The following LMBRD2 variants were observed in gnomAD, a reference collection of about 807,000 sequenced individuals.
LMBRD2 encodes LMBR1 domain containing 2.
Under a neutral mutation model 94.4 loss-of-function variants are expected in LMBRD2, and 55 were observed. The ratio of observed to expected loss-of-function variants is 0.58; its 90% CI spans 0.47 to 0.73. LMBRD2 has a LOEUF of 0.73. LMBRD2 is among the 30% of genes least tolerant of loss of function. The pLI is 0.00. For synonymous variants in LMBRD2, 246 were observed against 272.4 expected (o/e 0.90, Z 0.95); for missense variants, 640 against 831.9 (o/e 0.77, Z 2.84).
In LMBRD2 at chr5:36,103,698, G is replaced by C. The variant is rs949802860; in HGVS notation, c.*348C>G. On this transcript the variant is annotated 3_prime_UTR_variant, in exon 18 of 18. Coordinates refer to ENST00000296603, the MANE Select transcript of LMBRD2 (RefSeq NM_001007527.2). ...ATAATATTATTTAGTATGACTTATG[G>C]CTTCCTTGAATCTTTAAAATAACTC... 3.1e-5 allele frequency: 5 copies of C among 161,110 alleles called. No homozygotes were observed. Among genetic ancestry groups the C allele is most frequent in the African/African-American group, 9.6e-5 (4 of 41,476 alleles). 10.0% of individuals were successfully genotyped at this position (161,110 alleles called of 1,614,324 possible). A position where few individuals can be genotyped will look rare whatever the true frequency, so the allele number is the denominator to read the frequency against.
intron 3 of LMBRD2, among the ~76,000 whole-genome samples, chr5:36,141,673 C>G (rs1744414253): frequency 6.6e-6 from 1 of 151,492 alleles, no homozygotes; most frequent in South Asian, 2.1e-4. Flanking sequence ...AAATCACTCA[C>G]TATAACATAG....
Position 36,101,002 on chromosome 5 carries a change from A to C in LMBRD2, c.*3044T>G, listed in dbSNP as rs1410942062. 2 of 152,044 alleles carry C rather than the reference A, an allele frequency of 1.3e-5. No individual in the cohort carries two copies. Among genetic ancestry groups the C allele is most frequent in the African/African-American group, 4.8e-5 (2 of 41,436 alleles). 9.4% of individuals were successfully genotyped at this position (152,044 alleles called of 1,614,324 possible). A position where few individuals can be genotyped will look rare whatever the true frequency, so the allele number is the denominator to read the frequency against. ...TCATCTAATCAAATAGTAGTCCAAAAAAATCAACTGGCAGAATGTTTTTTT... is the reference window on the plus strand; with the variant it reads ...TCATCTAATCAAATAGTAGTCCAAACAAATCAACTGGCAGAATGTTTTTTT... On this transcript the variant is annotated 3_prime_UTR_variant, in exon 18 of 18. Transcript: ENST00000296603.
intron 3 of LMBRD2, 106 bp downstream of exon 3, chr5:36,142,396 A>AT: frequency 5.1e-6 from 3 of 590,458 alleles, no homozygotes; most frequent in Non-Finnish European, 3.0e-6. Flanking sequence ...TTAGTAGAGA[A>AT]TGAGGATAAC....
At chr5:36,123,575 C>A (rs1743936487) in intron 7 of LMBRD2, among the ~76,000 whole-genome samples, 1 of 151,878 alleles carries the variant, frequency 6.6e-6, no homozygotes, top group Non-Finnish European at 1.5e-5. Context: ...TAAATGTTTC[C>A]ATGGTTCTGT....
intron 1 of LMBRD2, among the ~76,000 whole-genome samples, chr5:36,148,287 C>G (rs575456764): frequency 2.0e-5 from 3 of 151,190 alleles, no homozygotes; most frequent in Non-Finnish European, 4.4e-5. Context: ...TTAAAGGTAC[C>G]TAAGAGCTGA....
rs545058647 is a variant in LMBRD2, at chr5:36,143,233, C to G, written c.117G>C (p.Leu39=). 3.7e-6 allele frequency: 6 copies of G among 1,612,802 alleles called. No homozygotes were observed. In the South Asian group the frequency reaches 4.4e-5, roughly 12 times the overall value. Residue 39 remains leucine, a synonymous_variant, in exon 2 of 18, where the codon CTG becomes CTC. Coordinates refer to ENST00000296603, the MANE Select transcript of LMBRD2 (RefSeq NM_001007527.2). The part of the protein sequence containing the change: ...KQHRLVIIGT[L]LAWYLCFLIV... ...TAAGAAAGCAGAGATACCAAGCAAG[C>G]AGTGTTCCAATAATCACAAGTCTAT...
Position 36,142,562 on chromosome 5 carries a change from G to A in LMBRD2, c.212C>T (p.Ser71Leu). The A allele has an allele frequency of 6.2e-7, 1 of 1,611,588 alleles. No individual in the cohort carries two copies. The highest frequency in any genetic ancestry group is 8.5e-7 in the Non-Finnish European group (1 of 1,177,678). Residue 71 changes from serine to leucine, a missense_variant, in exon 3 of 18, where the codon TCA (serine) becomes TTA (leucine). Physicochemically the swap from Ser to Leu is moderately radical, Grantham distance 145. This residue lies in a region of LMBRD2 where 457 missense variants were observed against 642.8 expected (regional missense o/e 0.71). Coordinates refer to ENST00000296603, the MANE Select transcript of LMBRD2 (RefSeq NM_001007527.2). ...YNRCKHAAAN[S>L]SPPENSNITG... is the part of the protein sequence containing the mutation. ...AATGTTGCTATTCTCAGGAGGGCTT[G>A]AATTTGCAGCAGCATGCTTGCACCG...
chr5:36,132,056 C>T (rs1216506716), intron 6 of LMBRD2, among the ~76,000 whole-genome samples: 2 of 151,892 alleles, frequency 1.3e-5, no homozygotes, highest in Non-Finnish European at 2.9e-5. Context: ...ACATTATCTG[C>T]CTTTAAACTA....
intron 6 of LMBRD2, among the ~76,000 whole-genome samples, chr5:36,126,513 G>A (rs993605091): frequency 4.6e-5 from 7 of 152,176 alleles, no homozygotes; most frequent in Admixed American, 3.3e-4. Context: ...AGGTCAGACA[G>A]CATTCGTGAA....
At chr5:36,108,880 G>A (rs1421918698) in intron 15 of LMBRD2, among the ~76,000 whole-genome samples, 4 of 152,040 alleles carry the variant, frequency 2.6e-5, no homozygotes, top group Non-Finnish European at 5.9e-5. Context: ...AACTTTGGTT[G>A]TTACTCATCT....
At position 36,110,000 on chromosome 5, in the gene LMBRD2, A is replaced by C; in HGVS notation, c.1745-9T>G. On this transcript the variant is annotated splice_polypyrimidine_tract_variant and intron_variant, in intron 14 of 17. Coordinates refer to ENST00000296603, the MANE Select transcript of LMBRD2 (RefSeq NM_001007527.2). ...TTGCCTTTTTCTCTTCTCTAAAGACAGAAAAATGATCTCAAATATGGCATA... is the reference window on the plus strand; with the variant it reads ...TTGCCTTTTTCTCTTCTCTAAAGACCGAAAAATGATCTCAAATATGGCATA... The C allele has an allele frequency of 6.2e-7, 1 of 1,604,538 alleles. No individual in the cohort carries two copies. Among genetic ancestry groups the C allele is most frequent in the Non-Finnish European group, 8.5e-7 (1 of 1,172,472 alleles).
chr5:36,122,403 G>C lies in LMBRD2; in HGVS notation c.997C>G (p.Gln333Glu), dbSNP rs1743907072. ...GCTACATCTTCTAGATAAAATGCTT[G>C]TTCCAAAAGAATCTGCCATTGTACT... ...TQVQWQILLE[Q>E]AFYLEDVAKN... Residue 333 changes from glutamine (Q) to glutamate (E), a missense_variant, in exon 9 of 18, where the codon CAA becomes GAA. Physicochemically the swap from Gln to Glu is conservative, Grantham distance 29. Coordinates refer to ENST00000296603, the MANE Select transcript of LMBRD2 (RefSeq NM_001007527.2). The C allele has an allele frequency of 6.2e-7, 1 of 1,613,488 alleles. No individual in the cohort carries two copies. Among genetic ancestry groups the C allele is most frequent in the African/African-American group, 1.3e-5 (1 of 75,020 alleles).
intron 6 of LMBRD2, among the ~76,000 whole-genome samples, chr5:36,132,664 C>A (rs895177017): frequency 4.2e-4 from 56 of 133,912 alleles, no homozygotes; most frequent in Admixed American, 5.9e-4. Flanking sequence ...TTGAATTTCT[C>A]AAAAAAAAAA....
rs73748802 is a variant in LMBRD2, at chr5:36,137,926, G to A, written c.369-485C>T. On this transcript the variant is annotated intron_variant, in intron 4 of 17. Coordinates refer to ENST00000296603, the MANE Select transcript of LMBRD2 (RefSeq NM_001007527.2). ...CGGACTAAAAATATGGATAGCTTCC[G>A]AAGTCATCACTGTATCAATGGCAGT... is the stretch of plus-strand genomic sequence containing the variant. 1.9e-3 allele frequency among the ~76,000 whole-genome samples: 289 copies of A among 152,290 alleles called. 4 individuals are homozygous for A. The highest frequency in any genetic ancestry group is 6.8e-3 in the African/African-American group (282 of 41,560).
intron 1 of LMBRD2, among the ~76,000 whole-genome samples, chr5:36,150,773 A>G (rs993013751): frequency 1.1e-4 from 17 of 152,228 alleles, no homozygotes; most frequent in African/African-American, 3.6e-4. Flanking sequence ...AGAACGAGCT[A>G]AAGGTTCATG....
intron 10 of LMBRD2, 95 bp downstream of exon 10, chr5:36,117,640 G>T: frequency 1.1e-6 from 1 of 878,792 alleles, no homozygotes; most frequent in Non-Finnish European, 1.7e-6. Context: ...AAACCTCACT[G>T]CTTTCATTTT....
At chr5:36,119,802 T>C (rs1326929586) in intron 9 of LMBRD2, among the ~76,000 whole-genome samples, 5 of 152,120 alleles carry the variant, frequency 3.3e-5, no homozygotes, top group East Asian at 1.9e-4. Flanking sequence ...CCACATTTCA[T>C]TGAGAAAACA....
chr5:36,129,547 T>C (rs1477968167), intron 6 of LMBRD2, among the ~76,000 whole-genome samples: 1 of 152,048 alleles, frequency 6.6e-6, no homozygotes, highest in Non-Finnish European at 1.5e-5. Context: ...GAAATAAACG[T>C]TTCCAGACAA....
chr5:36,137,387 AG>A lies in LMBRD2; in HGVS notation c.422del (p.Thr141MetfsTer8). 6.2e-7 allele frequency: 1 copy of A among 1,603,354 alleles called. No individual in the cohort carries two copies. Among genetic ancestry groups the A allele is most frequent in the Admixed American group, 1.7e-5 (1 of 59,920 alleles). ...CAATTAGTGCAGTTTTGATCTTTCC[AG>A]TGATGGAAAACCCTCCTGATCTTGC... is the stretch of plus-strand genomic sequence containing the variant. ...SYARSGGFSI[T>X]GKIKTALIEN... On this transcript the variant is annotated frameshift_variant, in exon 5 of 18. Transcript: ENST00000296603. LOFTEE classifies it high-confidence loss of function.
Sources: allele counts gnomAD v4.1 joint callset (sites outside exome capture counted in the v4.1 genomes callset), GRCh38; gene constraint gnomAD v4.1.1; regional missense constraint gnomAD v4.1.1; transcripts MANE v1.5; gene names NCBI Gene and HGNC (gene_info 2026-07-23, HGNC 2026-07-21).